The following FBXL17 variants were observed in gnomAD, a reference collection of about 807,000 sequenced individuals.
FBXL17 encodes F-box/LRR-repeat protein 17.
In FBXL17, 22 loss-of-function variants were observed where a neutral mutation model predicts 66.2. The ratio of observed to expected loss-of-function variants is 0.33; its 90% CI spans 0.24 to 0.47. The LOEUF is 0.47. FBXL17 is among the 20% of genes least tolerant of loss of function. FBXL17 has a pLI of 1.00. For synonymous variants in FBXL17, 474 were observed against 400.5 expected, an observed-to-expected ratio of 1.18 and a Z score of -2.19; for missense variants, 878 against 948.2, an observed-to-expected ratio of 0.93 and a Z score of 0.97.
At chr5:107,908,745 A>G (rs965811827) in intron 7 of FBXL17, among the ~76,000 whole-genome samples, 1 of 152,186 alleles carries the variant, frequency 6.6e-6, no homozygotes, top group African/African-American at 2.4e-5. Flanking sequence ...ATGGAGTTCA[A>G]TGAGCATATG....
intron 4 of FBXL17, among the ~76,000 whole-genome samples, chr5:108,245,622 T>A (rs550756544): frequency 1.3e-5 from 2 of 152,286 alleles, no homozygotes; most frequent in African/African-American, 4.8e-5. Context: ...AGATGGAGAA[T>A]CCACCATCCA....
At chr5:107,913,754 T>C (rs1458075242) in intron 7 of FBXL17, among the ~76,000 whole-genome samples, 1 of 152,172 alleles carries the variant, frequency 6.6e-6, no homozygotes, top group Non-Finnish European at 1.5e-5. Flanking sequence ...AAAGAGATGC[T>C]ATCTGCTCAG....
chr5:108,165,940 T>G (rs1752399419), intron 6 of FBXL17, among the ~76,000 whole-genome samples: 1 of 152,180 alleles, frequency 6.6e-6, no homozygotes, highest in South Asian at 2.1e-4. Flanking sequence ...GTGCTTGTTA[T>G]TGAAAATATG....
intron 4 of FBXL17, among the ~76,000 whole-genome samples, chr5:108,302,531 T>C (rs1758639594): frequency 6.6e-6 from 1 of 151,792 alleles, no homozygotes; most frequent in Non-Finnish European, 1.5e-5. Flanking sequence ...TTACAAGACA[T>C]AATTCTACAA....
chr5:108,195,158 A>AG (rs1753629873), intron 5 of FBXL17, among the ~76,000 whole-genome samples: 1 of 152,016 alleles, frequency 6.6e-6, no homozygotes, highest in African/African-American at 2.4e-5. Context: ...AGGGGGTTGG[A>AG]GGGGGCAATA....
intron 6 of FBXL17, among the ~76,000 whole-genome samples, chr5:108,139,508 T>C (rs745555785): frequency 5.3e-5 from 8 of 152,172 alleles, no homozygotes; most frequent in Non-Finnish European, 1.0e-4. Flanking sequence ...ACTACAAATT[T>C]ATAGTTTCCA....
intron 7 of FBXL17, among the ~76,000 whole-genome samples, chr5:108,011,819 A>G (rs1754187764): frequency 6.6e-6 from 1 of 152,154 alleles, no homozygotes. Flanking sequence ...GTGAGACTCT[A>G]TCTCAAAAAC....
At chr5:107,944,498 G>C (rs530993297) in intron 7 of FBXL17, among the ~76,000 whole-genome samples, 2 of 152,232 alleles carry the variant, frequency 1.3e-5, no homozygotes, top group East Asian at 3.9e-4. Context: ...TGTTCTAAAG[G>C]AGTTTGAATC....
At chr5:108,325,599 C>T (rs898895999) in intron 4 of FBXL17, among the ~76,000 whole-genome samples, 28 of 152,170 alleles carry the variant, frequency 1.8e-4, no homozygotes, top group Admixed American at 1.4e-3. Context: ...TAGCAGGTCC[C>T]ACCTCACCAT....
chr5:108,148,836 T>G (rs11949694), intron 6 of FBXL17, among the ~76,000 whole-genome samples: 1,731 of 152,314 alleles, frequency 0.011, 48 homozygotes, highest in African/African-American at 0.039. Flanking sequence ...TGGCAGTTCA[T>G]GCTACAGGTT....
intron 6 of FBXL17, among the ~76,000 whole-genome samples, chr5:108,123,656 A>T (rs978491103): frequency 6.6e-6 from 1 of 152,156 alleles, no homozygotes; most frequent in African/African-American, 2.4e-5. Context: ...ATTTCAGCAT[A>T]CCTCAAACTG....
intron 6 of FBXL17, among the ~76,000 whole-genome samples, chr5:108,078,655 G>A (rs943611228): frequency 6.6e-5 from 10 of 152,028 alleles, no homozygotes; most frequent in Admixed American, 4.6e-4. Flanking sequence ...TATCTGTGAG[G>A]TTTCATCTAT....
chr5:108,118,202 C>T (rs1161148553), intron 6 of FBXL17, among the ~76,000 whole-genome samples: 1 of 152,194 alleles, frequency 6.6e-6, no homozygotes, highest in African/African-American at 2.4e-5. Context: ...TAACCTATAT[C>T]CTGGATGACT....
chr5:107,883,313 G>A (rs556110569), intron 7 of FBXL17, among the ~76,000 whole-genome samples: 2 of 152,266 alleles, frequency 1.3e-5, no homozygotes, highest in South Asian at 2.1e-4. Flanking sequence ...TGGATTTTAA[G>A]TTGGGAGCCA....
At chr5:108,013,821 T>A (rs1754274244) in intron 7 of FBXL17, among the ~76,000 whole-genome samples, 1 of 152,160 alleles carries the variant, frequency 6.6e-6, no homozygotes, top group Non-Finnish European at 1.5e-5. Flanking sequence ...CCTCAGATAT[T>A]ATCTCTGCTT....
At chr5:108,337,829 T>C (rs1223321711) in intron 4 of FBXL17, among the ~76,000 whole-genome samples, 2 of 152,064 alleles carry the variant, frequency 1.3e-5, no homozygotes, top group African/African-American at 4.8e-5. Flanking sequence ...GGACTGTAGA[T>C]ATGACCAACA....
chr5:108,000,906 T>C (rs1753696658), intron 7 of FBXL17, among the ~76,000 whole-genome samples: 1 of 152,224 alleles, frequency 6.6e-6, no homozygotes, highest in South Asian at 2.1e-4. Context: ...TTAATGCATT[T>C]GGCTAGTGAA....
chr5:108,380,933 C>T lies in FBXL17; in HGVS notation c.759G>A (p.Gln253=). Residue 253 remains glutamine, a synonymous_variant, in exon 1 of 9, where the codon CAG becomes CAA. Transcript: ENST00000542267. ...PDAGCCQAPE[Q]PPQPLCPPPS... ...GCGGAGGGCAGAGCGGCTGCGGGGGCTGCTCCGGGGCCTGGCAGCAGCCGG... is the reference window on the plus strand; with the variant it reads ...GCGGAGGGCAGAGCGGCTGCGGGGGTTGCTCCGGGGCCTGGCAGCAGCCGG... 1 of 1,221,830 alleles carries T rather than the reference C, an allele frequency of 8.2e-7. No individual in the cohort carries two copies. Among genetic ancestry groups the T allele is most frequent in the Non-Finnish European group, 1.0e-6 (1 of 979,120 alleles). 75.7% of individuals were successfully genotyped at this position (1,221,830 alleles called of 1,614,324 possible). A position where few individuals can be genotyped will look rare whatever the true frequency, so the allele number is the denominator to read the frequency against.
intron 7 of FBXL17, among the ~76,000 whole-genome samples, chr5:107,964,307 C>A (rs1287228364): frequency 1.3e-5 from 2 of 152,122 alleles, no homozygotes; most frequent in East Asian, 3.9e-4. Flanking sequence ...CAATAAAAAT[C>A]ACAGGGGATG....
Sources: allele counts gnomAD v4.1 joint callset (sites outside exome capture counted in the v4.1 genomes callset), GRCh38; gene constraint gnomAD v4.1.1; transcripts MANE v1.5; gene names NCBI Gene and HGNC (gene_info 2026-07-23, HGNC 2026-07-21).